The following APBB2 variants were observed in gnomAD, a reference collection of about 807,000 sequenced individuals.
APBB2 encodes Fe65-like 1.
APBB2 carries 38 observed loss-of-function variants against 82.5 expected under a neutral mutation model. The ratio of observed to expected loss-of-function variants is 0.46; its 90% CI spans 0.36 to 0.60. The LOEUF is 0.60. APBB2 is among the 20% of genes least tolerant of loss of function. The pLI, the probability that APBB2 is intolerant of heterozygous loss-of-function variation, is 0.00. For synonymous variants in APBB2, 341 were observed against 368.2 expected (o/e 0.93, Z 0.85); for missense variants, 772 against 972.3 (o/e 0.79, Z 2.74).
In APBB2 at chr4:40,814,436, C is replaced by T. The variant is rs542664718; in HGVS notation, c.*1656G>A. On this transcript the variant is annotated 3_prime_UTR_variant, in exon 18 of 18. Transcript: ENST00000508593. ...CACAGCAAGAACGGGCTTTGGGAGC[C>T]GTGGGTCCTAGTCCTGGTTTTCATG... The T allele has an allele frequency of 9.9e-5, 15 of 152,224 alleles. No individual in the cohort carries two copies. The highest frequency in any genetic ancestry group is 3.4e-4 in the African/African-American group (14 of 41,536). The allele number at this position is 152,224 out of a possible 1,614,324, so 9.4% of individuals were successfully genotyped here.
At position 40,961,828 on chromosome 4, in the gene APBB2, T is replaced by C. The variant is rs577384772; in HGVS notation, c.836-16755A>G. Among the ~76,000 whole-genome samples, 7 of 152,292 alleles carry C rather than the reference T, an allele frequency of 4.6e-5. No homozygotes were observed. The South Asian group carries it at 6.2e-4, about 14-fold the overall frequency. On this transcript the variant is annotated intron_variant, in intron 6 of 17. Transcript: ENST00000508593. ...CACCAATCCAAGCATCTTAACCTCA[T>C]TTCCAAGTATTGTCAAAAATGCAGA... is the stretch of plus-strand genomic sequence containing the variant.
At chr4:40,965,849 T>G (rs1794549084) in intron 6 of APBB2, among the ~76,000 whole-genome samples, 2 of 152,198 alleles carry the variant, frequency 1.3e-5, no homozygotes, top group Non-Finnish European at 2.9e-5. Flanking sequence ...GTCCCATGAC[T>G]GGAAGGATAC....
chr4:40,813,249 G>C lies in APBB2; in HGVS notation c.*2843C>G, dbSNP rs1279745473. 1 of 152,120 alleles carries C rather than the reference G, an allele frequency of 6.6e-6. No homozygotes were observed. The highest frequency in any genetic ancestry group is 2.4e-5 in the African/African-American group (1 of 41,412). 9.4% of individuals were successfully genotyped at this position (152,120 alleles called of 1,614,324 possible). ...ACACTGGGAGATAATATCCAGGAAA[G>C]ATAATACATTAACACAATAATGCAG... On this transcript the variant is annotated 3_prime_UTR_variant, in exon 18 of 18. Coordinates refer to ENST00000508593, the MANE Select transcript of APBB2 (RefSeq NM_004307.2).
At chr4:40,817,890 C>T (rs1430725132) in intron 17 of APBB2, among the ~76,000 whole-genome samples, 1 of 152,176 alleles carries the variant, frequency 6.6e-6, no homozygotes, top group East Asian at 1.9e-4. Context: ...GCCCACATCA[C>T]AACCCAAACC....
chr4:40,957,617 CT>C (rs1426265936), intron 6 of APBB2, among the ~76,000 whole-genome samples: 1 of 146,994 alleles, frequency 6.8e-6, no homozygotes, highest in Non-Finnish European at 1.5e-5. Context: ...GAGTTTCGCT[CT>C]TGTTGCCCCG....
chr4:40,908,300 C>T (rs747555883), intron 10 of APBB2, among the ~76,000 whole-genome samples: 16 of 152,112 alleles, frequency 1.1e-4, no homozygotes, highest in Non-Finnish European at 2.2e-4. Context: ...TTGAAGCCAC[C>T]TCGTCTGTGG....
intron 4 of APBB2, among the ~76,000 whole-genome samples, chr4:41,054,389 T>C (rs1727110764): frequency 6.6e-6 from 1 of 152,196 alleles, no homozygotes; most frequent in African/African-American, 2.4e-5. Context: ...AGGACTGGTA[T>C]ATTGGCTTAA....
intron 12 of APBB2, among the ~76,000 whole-genome samples, chr4:40,886,006 G>A (rs1016680474): frequency 2.6e-5 from 4 of 151,984 alleles, no homozygotes; most frequent in African/African-American, 9.7e-5. Context: ...TCCCATTTAC[G>A]GGGTCTGAAA....
intron 6 of APBB2, among the ~76,000 whole-genome samples, chr4:41,000,069 A>ATGTGTGTGTGTG (rs779111046): frequency 4.8e-4 from 63 of 130,684 alleles, no homozygotes; most frequent in Admixed American, 6.8e-4. Context: ...ATATGTGTGT[A>ATGTGTGTGTGTG]TGTGTGTGTG....
chr4:41,111,334 T>C (rs1032292853), intron 2 of APBB2, among the ~76,000 whole-genome samples: 3 of 152,344 alleles, frequency 2.0e-5, no homozygotes, highest in East Asian at 1.9e-4. Flanking sequence ...TTAATGTATA[T>C]GTAATAGCAA....
chr4:41,127,341 G>A lies in APBB2; in HGVS notation c.-261+15646C>T, dbSNP rs1754684689. On this transcript the variant is annotated intron_variant, in intron 2 of 17. Coordinates refer to ENST00000508593, the MANE Select transcript of APBB2 (RefSeq NM_004307.2). The surrounding 1 kb of genome is among the most constrained non-coding windows in gnomAD (Gnocchi z 4.8). ...TTTGTACTGCGACAATACAACACAA[G>A]GAAAAAAAAATCAAAGCATTCACTT... Among the ~76,000 whole-genome samples the A allele has an allele frequency of 6.6e-6, 1 of 151,784 alleles. No individual in the cohort carries two copies. The highest frequency in any genetic ancestry group is 6.6e-5 in the Admixed American group (1 of 15,258).
intron 1 of APBB2, among the ~76,000 whole-genome samples, chr4:41,206,410 A>T (rs35504486): frequency 0.08 from 12,147 of 152,300 alleles, 690 homozygotes; most frequent in Non-Finnish European, 0.12. Flanking sequence ...GCACAGTGCC[A>T]GGCACAAACT....
chr4:41,111,559 T>C (rs772597288), intron 2 of APBB2, among the ~76,000 whole-genome samples: 5 of 152,224 alleles, frequency 3.3e-5, no homozygotes, highest in Non-Finnish European at 7.3e-5. Context: ...TTAATGCTAG[T>C]TGTCTCTGGG....
At chr4:40,967,405 C>T (rs1794938371) in intron 6 of APBB2, among the ~76,000 whole-genome samples, 2 of 152,186 alleles carry the variant, frequency 1.3e-5, no homozygotes, top group African/African-American at 4.8e-5. Flanking sequence ...TTTTGGGGAG[C>T]CCAGGCCTAG....
intron 4 of APBB2, among the ~76,000 whole-genome samples, chr4:41,048,110 T>C (rs1724103146): frequency 6.6e-6 from 1 of 152,246 alleles, no homozygotes; most frequent in Non-Finnish European, 1.5e-5. Context: ...AACAGTGGCC[T>C]AGAAGACATT....
In APBB2 at chr4:40,814,935, T is replaced by C. The variant is rs1745212360; in HGVS notation, c.*1157A>G. Reference sequence around the variant, plus strand: ...ATATCTAGTTGAGTCCAACAAATTCTAATATTAAATACATAAAATCAAGGA... The same window carrying C: ...ATATCTAGTTGAGTCCAACAAATTCCAATATTAAATACATAAAATCAAGGA... On this transcript the variant is annotated 3_prime_UTR_variant, in exon 18 of 18. Coordinates refer to ENST00000508593, the MANE Select transcript of APBB2 (RefSeq NM_004307.2). The C allele has an allele frequency of 6.6e-6, 1 of 152,200 alleles. No individual in the cohort carries two copies. The highest frequency in any genetic ancestry group is 1.5e-5 in the Non-Finnish European group (1 of 68,032). The allele number at this position is 152,200 out of a possible 1,614,324, so 9.4% of individuals were successfully genotyped here.
At chr4:41,001,503 A>G (rs1217735951) in intron 6 of APBB2, among the ~76,000 whole-genome samples, 1 of 152,244 alleles carries the variant, frequency 6.6e-6, no homozygotes, top group Non-Finnish European at 1.5e-5. Flanking sequence ...AATATCAACT[A>G]ACAACATCTA....
chr4:40,889,174 C>T (rs1298812983), intron 12 of APBB2, among the ~76,000 whole-genome samples: 1 of 152,226 alleles, frequency 6.6e-6, no homozygotes, highest in Non-Finnish European at 1.5e-5. Flanking sequence ...AAGGCTTATC[C>T]AATTGGCAGT....
At chr4:40,816,747 GA>G (rs1745817214) in intron 17 of APBB2, among the ~76,000 whole-genome samples, 1 of 152,226 alleles carries the variant, frequency 6.6e-6, no homozygotes, top group East Asian at 1.9e-4. Flanking sequence ...AATGGCTGAA[GA>G]AAGGACTATT....
Sources: gnomAD v4.1 joint callset for allele counts (sites outside exome capture counted in the v4.1 genomes callset) on GRCh38, gnomAD v4.1.1 for gene constraint, Gnocchi (gnomAD v3.1) non-coding constraint, MANE v1.5 for transcripts, NCBI Gene and HGNC (gene_info 2026-07-23, HGNC 2026-07-21) for gene names.